RASAL1: variants seen among roughly 807,000 people sequenced by gnomAD.
The protein encoded by RASAL1 is RAS protein activator like 1.
Under a neutral mutation model 96.6 loss-of-function variants are expected in RASAL1, and 72 were observed. The observed-to-expected ratio is 0.75, with a 90% CI of 0.62 to 0.91. The LOEUF (loss-of-function observed/expected upper bound fraction) is 0.91, where lower values mean the gene tolerates loss of function less well. RASAL1 is among the 40% of genes least tolerant of loss of function. The pLI is 0.00. For synonymous variants in RASAL1, 405 were observed against 430.4 expected (o/e 0.94, Z 0.73); for missense variants, 1,016 against 1,072.5 (o/e 0.95, Z 0.74).
chr12:113,133,046 C>T (rs1487098438), intron 1 of RASAL1, among the ~76,000 whole-genome samples: 1 of 152,194 alleles, frequency 6.6e-6, no homozygotes, highest in Non-Finnish European at 1.5e-5. Flanking sequence ...CTCAGTTTCC[C>T]CAACTACAGA....
In RASAL1 at chr12:113,112,155, G is replaced by A. The variant is rs762206857; in HGVS notation, c.1305C>T (p.Pro435=). 36 of 1,252,916 alleles carry A rather than the reference G, an allele frequency of 2.9e-5. No individual in the cohort carries two copies. The highest frequency in any genetic ancestry group is 3.4e-5 in the Non-Finnish European group (34 of 991,380). The allele number at this position is 1,252,916 out of a possible 1,614,324, so 77.6% of individuals were successfully genotyped here. Residue 435 remains proline (P), a synonymous_variant, in exon 13 of 21, where the codon CCC becomes CCT. Coordinates refer to ENST00000548055, the MANE Select transcript of RASAL1 (RefSeq NM_001301202.2). ...GCTGCTTGAAGGCGAGGCGCATGGCGGGCGGGCAGCGCCCCACGGAGCCCA... is the reference window on the plus strand; with the variant it reads ...GCTGCTTGAAGGCGAGGCGCATGGCAGGCGGGCAGCGCCCCACGGAGCCCA... ...AIVGSVGRCP[P]AMRLAFKQLH...
intron 15 of RASAL1, among the ~76,000 whole-genome samples, chr12:113,106,748 C>T (rs569659569): frequency 6.6e-6 from 1 of 152,276 alleles, no homozygotes; most frequent in Admixed American, 6.5e-5. Context: ...AAAATAAAAG[C>T]TCTGTGAGAT....
chr12:113,112,038 G>A lies in RASAL1; in HGVS notation c.1374+48C>T, dbSNP rs574213222. The A allele has an allele frequency of 1.3e-5, 16 of 1,230,446 alleles. No homozygotes were observed. The South Asian group carries it at 2.5e-4, about 19-fold the overall frequency. The allele number at this position is 1,230,446 out of a possible 1,614,324, so 76.2% of individuals were successfully genotyped here. A position where few individuals can be genotyped will look rare whatever the true frequency, so the allele number is the denominator to read the frequency against. On this transcript the variant is annotated intron_variant, in intron 13 of 20. Coordinates refer to ENST00000548055, the MANE Select transcript of RASAL1 (RefSeq NM_001301202.2). ...TGTCCTGACTCCTCCGAGTGACCCCGGACAAGCTCCGGCCTGTCCCCAGCC... is the reference window on the plus strand; with the variant it reads ...TGTCCTGACTCCTCCGAGTGACCCCAGACAAGCTCCGGCCTGTCCCCAGCC...
chr12:113,114,977 G>T, intron 11 of RASAL1, 65 bp from the exon 12 acceptor site: 2 of 1,311,992 alleles, frequency 1.5e-6, no homozygotes, highest in Non-Finnish European at 1.1e-6. Flanking sequence ...CCATGAGCTG[G>T]GCGCAGGGGG....
At chr12:113,109,341 T>C (rs1950776545) in intron 13 of RASAL1, among the ~76,000 whole-genome samples, 1 of 152,228 alleles carries the variant, frequency 6.6e-6, no homozygotes, top group Admixed American at 6.5e-5. Flanking sequence ...TTTTTTCAGA[T>C]GAGGAAACTG....
In RASAL1 at chr12:113,104,152, G is replaced by C; in HGVS notation, c.1968+9C>G. The C allele has an allele frequency of 6.3e-7, 1 of 1,598,584 alleles. No homozygotes were observed. The highest frequency in any genetic ancestry group is 8.6e-7 in the Non-Finnish European group (1 of 1,168,150). Reference sequence around the variant, plus strand: ...ACGCCCCCCGCTCCCCATCGCGGTGGGGTCTCACCTTGCACTGGAGGTAGG... The same window carrying C: ...ACGCCCCCCGCTCCCCATCGCGGTGCGGTCTCACCTTGCACTGGAGGTAGG... On this transcript the variant is annotated intron_variant, in intron 17 of 20. Transcript: ENST00000548055.
At position 113,129,742 on chromosome 12, in the gene RASAL1, C is replaced by T. The variant is rs1428630619; in HGVS notation, c.122+1143G>A. 1.3e-5 allele frequency among the ~76,000 whole-genome samples: 2 copies of T among 152,090 alleles called. No homozygotes were observed. The highest frequency in any genetic ancestry group is 1.3e-4 in the Admixed American group (2 of 15,284). On this transcript the variant is annotated intron_variant, in intron 2 of 20. Coordinates refer to ENST00000548055, the MANE Select transcript of RASAL1 (RefSeq NM_001301202.2). The surrounding 1 kb of genome is among the most constrained non-coding windows in gnomAD (Gnocchi z 5.0). ...TGCGCGCACACACACACACACACCC[C>T]GCCTTCTTCCTCCAGCCCAGCGGCA... is the stretch of plus-strand genomic sequence containing the variant.
At position 113,100,062 on chromosome 12, in the gene RASAL1, C is replaced by T; in HGVS notation, c.2285G>A (p.Cys762Tyr). ...DTTLEADTGACPEVLARQRAA... is the reference protein window; with the variant it reads ...DTTLEADTGAYPEVLARQRAA... ...TCTTTGCCGGGCCAGGACCTCAGGA[C>T]AGGCCCCTAGGAGGGAGACAAGAGG... is the stretch of plus-strand genomic sequence containing the variant. Residue 762 changes from cysteine (C) to tyrosine (Y), a missense_variant, in exon 21 of 21, where the codon TGT becomes TAT. Cys to Tyr is a radical substitution (Grantham distance 194). Transcript: ENST00000548055. The T allele has an allele frequency of 6.2e-7, 1 of 1,606,426 alleles. No individual in the cohort carries two copies. Among genetic ancestry groups the T allele is most frequent in the Non-Finnish European group, 8.5e-7 (1 of 1,175,916 alleles).
chr12:113,127,737 G>T, intron 4 of RASAL1, 75 bp downstream of exon 4: 2 of 1,251,406 alleles, frequency 1.6e-6, no homozygotes, highest in Non-Finnish European at 2.3e-6. Flanking sequence ...GCTTCACCGT[G>T]CCATGTGCTA....
At chr12:113,133,413 T>C (rs1380232958) in intron 1 of RASAL1, among the ~76,000 whole-genome samples, 1 of 152,170 alleles carries the variant, frequency 6.6e-6, no homozygotes, top group Admixed American at 6.5e-5. Flanking sequence ...TGACTGCCTC[T>C]CTGGTCCTCA....
intron 7 of RASAL1, 60 bp from the exon 8 acceptor site, chr12:113,117,221 T>TAGGTGAGACCTGAGC: frequency 2.2e-6 from 3 of 1,339,568 alleles, no homozygotes; most frequent in Non-Finnish European, 3.1e-6. Flanking sequence ...CCTGCCTGGC[T>TAGGTGAGACCTGAGC]CAGGTCTCAC....
chr12:113,112,069 C>G lies in RASAL1; in HGVS notation c.1374+17G>C. 1 of 1,237,394 alleles carries G rather than the reference C, an allele frequency of 8.1e-7. No individual in the cohort carries two copies. Among genetic ancestry groups the G allele is most frequent in the East Asian group, 3.2e-5 (1 of 31,716 alleles). 76.7% of individuals were successfully genotyped at this position (1,237,394 alleles called of 1,614,324 possible). ...GCTCCGGCCTGTCCCCAGCCTCAGC[C>G]TCCCATCCTGGCGCACCTGGTGCTC... is the stretch of plus-strand genomic sequence containing the variant. On this transcript the variant is annotated intron_variant, in intron 13 of 20. Transcript: ENST00000548055.
rs570722641 is a variant in RASAL1 at position 113,103,146 on chromosome 12, T to C, written c.2104+800A>G. On this transcript the variant is annotated intron_variant, in intron 18 of 20. Transcript: ENST00000548055. ...TTGTAATACATCATTATATATTGTATATACATTGTTAATAACAATGTCATT... is the reference window on the plus strand; with the variant it reads ...TTGTAATACATCATTATATATTGTACATACATTGTTAATAACAATGTCATT... 5.9e-4 allele frequency: 104 copies of C among 177,136 alleles called. 2 individuals carry two copies. The highest frequency in any genetic ancestry group is 1.1e-3 in the Non-Finnish European group (87 of 81,746). The allele number at this position is 177,136 out of a possible 1,614,324, so 11.0% of individuals were successfully genotyped here. A position where few individuals can be genotyped will look rare whatever the true frequency, so the allele number is the denominator to read the frequency against.
At chr12:113,107,343 C>T in intron 14 of RASAL1, 102 bp from the exon 15 acceptor site, 1 of 1,352,046 alleles carries the variant, frequency 7.4e-7, no homozygotes, top group Non-Finnish European at 9.9e-7. Context: ...ACTCATATTG[C>T]CGGGCACAGT....
Position 113,115,159 on chromosome 12 carries a change from G to T in RASAL1, c.1068+41C>A. The T allele has an allele frequency of 6.4e-7, 1 of 1,567,576 alleles. No homozygotes were observed. Among genetic ancestry groups the T allele is most frequent in the Non-Finnish European group, 8.8e-7 (1 of 1,138,378 alleles). ...GGTAGGCACTGGGAAGGAGGTACCC[G>T]AGGAAGCTGCGCCTGGTCCCGCAGG... On this transcript the variant is annotated intron_variant, in intron 11 of 20. Coordinates refer to ENST00000548055, the MANE Select transcript of RASAL1 (RefSeq NM_001301202.2). This position sits in a 1 kb window ranked among gnomAD's most constrained non-coding sequence, Gnocchi z 4.1.
chr12:113,104,024 G>C lies in RASAL1; in HGVS notation c.2026C>G (p.Pro676Ala). 6.3e-7 allele frequency: 1 copy of C among 1,577,456 alleles called. No individual in the cohort carries two copies. Among genetic ancestry groups the C allele is most frequent in the Non-Finnish European group, 8.6e-7 (1 of 1,159,998 alleles). The change falls in exon 18 of 21, where the codon CCG (proline) becomes GCG (alanine). Residue 676 changes from proline (P) to alanine (A), a missense_variant. Transcript: ENST00000548055. Reference sequence around the variant, plus strand: ...GGGTGGCAGGCGGCCAGCTTGTTCGGGTTGGGGGCGCTGGCCTTGCGCAAG... The same window carrying C: ...GGGTGGCAGGCGGCCAGCTTGTTCGCGTTGGGGGCGCTGGCCTTGCGCAAG... ...SALRKASAPN[P>A]NKLAACHPGA... is the part of the protein sequence containing the mutation.
At chr12:113,107,019 G>T in intron 15 of RASAL1, 78 bp downstream of exon 15, 1 of 1,440,566 alleles carries the variant, frequency 6.9e-7, no homozygotes. Flanking sequence ...TGAGGAGCTG[G>T]AGGGGGAAAG....
chr12:113,121,551 T>A lies in RASAL1; in HGVS notation c.386A>T (p.Asp129Val). 3 of 1,614,140 alleles carry A rather than the reference T, an allele frequency of 1.9e-6. No individual in the cohort carries two copies. Among genetic ancestry groups the A allele is most frequent in the Non-Finnish European group, 2.5e-6 (3 of 1,180,032 alleles). The change falls in exon 5 of 21, where the codon GAT (aspartate) becomes GTT (valine). Residue 129 changes from aspartate (D) to valine (V), a missense_variant. Coordinates refer to ENST00000548055, the MANE Select transcript of RASAL1 (RefSeq NM_001301202.2). ...GCAGCGAAGGCAGCGGCCCTGCCCA[T>A]CCTCCAGCATCTGCACTGACAGGCA... ...EICLSVQMLE[D>V]GQGRCLRCHV... is the part of the protein sequence containing the mutation.
At position 113,130,219 on chromosome 12, in the gene RASAL1, G is replaced by A. The variant is rs984720900; in HGVS notation, c.122+666C>T. On this transcript the variant is annotated intron_variant, in intron 2 of 20. Transcript: ENST00000548055. The surrounding 1 kb of genome is among the most constrained non-coding windows in gnomAD (Gnocchi z 5.1). ...TGCGGGGGTGGGAGCCAAGCAGGGC[G>A]CAGCCTGATATCCCCCTGCGAGACT... Among the ~76,000 whole-genome samples, 4 of 152,158 alleles carry A rather than the reference G, an allele frequency of 2.6e-5. No homozygotes were observed. Among genetic ancestry groups the A allele is most frequent in the Non-Finnish European group, 5.9e-5 (4 of 68,016 alleles).
Sources: allele counts gnomAD v4.1 joint callset (sites outside exome capture counted in the v4.1 genomes callset), GRCh38; gene constraint gnomAD v4.1.1; non-coding constraint Gnocchi (gnomAD v3.1); transcripts MANE v1.5; gene names NCBI Gene and HGNC (gene_info 2026-07-23, HGNC 2026-07-21).